The following DSCAM variants were observed in gnomAD, a reference collection of about 807,000 sequenced individuals.
The protein encoded by DSCAM is DS cell adhesion molecule.
DSCAM carries 47 observed loss-of-function variants against 217.7 expected under a neutral mutation model. That is an observed-to-expected ratio of 0.22 (90% CI 0.17 to 0.28). The LOEUF (loss-of-function observed/expected upper bound fraction) is 0.28. DSCAM is among the 10% of genes least tolerant of loss of function. DSCAM has a pLI of 1.00. For missense variants in DSCAM, 2,080 were observed against 2,618.3 expected, an observed-to-expected ratio of 0.79 and a Z score of 4.49; for synonymous variants, 1,056 against 1,015.3, an observed-to-expected ratio of 1.04 and a Z score of -0.76.
rs541514196 is a variant in DSCAM at position 40,346,019 on chromosome 21, T to C, written c.1210+1651A>G. ...CTTTCTTGCTGTCACTCTGATAACC[T>C]GAACTCTTCTGACATCGTTATGGAT... On this transcript the variant is annotated intron_variant, in intron 6 of 32. Transcript: ENST00000400454. 1.8e-3 allele frequency among the ~76,000 whole-genome samples: 268 copies of C among 152,374 alleles called. 2 individuals carry two copies. Among genetic ancestry groups the C allele is most frequent in the African/African-American group, 4.9e-3 (205 of 41,590 alleles).
intron 3 of DSCAM, among the ~76,000 whole-genome samples, chr21:40,639,055 T>C (rs565739263): frequency 6.7e-6 from 1 of 149,174 alleles, no homozygotes; most frequent in African/African-American, 2.5e-5. Flanking sequence ...TGGGTCGTCA[T>C]AGACCCATAA....
rs192075086 is a variant in DSCAM, at chr21:40,793,337, G to A, written c.43+53282C>T. The stretch of plus-strand genomic sequence containing the variant: ...AATTGGCCATATCTGCCAAGAATGC[G>A]GAGAGAGGGTTTGCAGCATTAGAAC... On this transcript the variant is annotated intron_variant, in intron 1 of 32. Coordinates refer to ENST00000400454, the MANE Select transcript of DSCAM (RefSeq NM_001389.5). Among the ~76,000 whole-genome samples, 287 of 152,244 alleles carry A rather than the reference G, an allele frequency of 1.9e-3. 1 individual carries two copies. The highest frequency in any genetic ancestry group is 3.4e-3 in the Middle Eastern group (1 of 292).
chr21:40,503,702 A>G (rs1476758184), intron 3 of DSCAM, among the ~76,000 whole-genome samples: 2 of 152,170 alleles, frequency 1.3e-5, no homozygotes, highest in African/African-American at 4.8e-5. Flanking sequence ...TCGTCTCTTT[A>G]ATTTCAGGGC....
At chr21:40,313,936 T>C (rs1000125) in intron 8 of DSCAM, among the ~76,000 whole-genome samples, 6,581 of 152,300 alleles carry the variant, frequency 0.043, 322 homozygotes, top group African/African-American at 0.12. Context: ...TATTCAACAA[T>C]TGTAAGTCCA....
chr21:40,602,729 T>G (rs2077071987), intron 3 of DSCAM, among the ~76,000 whole-genome samples: 2 of 152,174 alleles, frequency 1.3e-5, no homozygotes, highest in Admixed American at 1.3e-4. Flanking sequence ...TTTTGCTTGA[T>G]AGCCAGGTTA....
chr21:40,042,667 G>A lies in DSCAM; in HGVS notation c.5390C>T (p.Ala1797Val), dbSNP rs991212273. The A allele has an allele frequency of 7.7e-7, 1 of 1,292,232 alleles. No individual in the cohort carries two copies. Among genetic ancestry groups the A allele is most frequent in the Non-Finnish European group, 9.9e-7 (1 of 1,013,350 alleles). The allele number at this position is 1,292,232 out of a possible 1,614,324, so 80.0% of individuals were successfully genotyped here. A position where few individuals can be genotyped will look rare whatever the true frequency, so the allele number is the denominator to read the frequency against. ...TTCTGTGGAGACCATGCTGCTTCTT[G>A]CTCGATCTACACCAGGAAAGAGAAA... is the stretch of plus-strand genomic sequence containing the variant. The part of the protein sequence containing the change: ...SVSPSQDTDR[A>V]RSSMVSTESA... Residue 1797 changes from alanine to valine, a missense_variant, in exon 32 of 33, where the codon GCA becomes GTA. Ala to Val is a moderately conservative substitution (Grantham distance 64). Coordinates refer to ENST00000400454, the MANE Select transcript of DSCAM (RefSeq NM_001389.5).
At chr21:40,718,328 A>G (rs2146501818) in intron 1 of DSCAM, among the ~76,000 whole-genome samples, 1 of 152,318 alleles carries the variant, frequency 6.6e-6, no homozygotes, top group South Asian at 2.1e-4. Context: ...TATTCCAAGA[A>G]AAGTGTTGCA....
intron 1 of DSCAM, among the ~76,000 whole-genome samples, chr21:40,765,289 T>C (rs548732366): frequency 6.6e-6 from 1 of 152,138 alleles, no homozygotes; most frequent in African/African-American, 2.4e-5. Context: ...GCAGAGCAAC[T>C]TGGAGGCAAA....
intron 3 of DSCAM, among the ~76,000 whole-genome samples, chr21:40,661,924 G>A (rs2090142720): frequency 6.6e-6 from 1 of 152,130 alleles, no homozygotes; most frequent in African/African-American, 2.4e-5. Flanking sequence ...ACATTTGAGG[G>A]AAGAAAACCC....
At chr21:40,845,364 A>T (rs2092135540) in intron 1 of DSCAM, among the ~76,000 whole-genome samples, 1 of 152,042 alleles carries the variant, frequency 6.6e-6, no homozygotes, top group Non-Finnish European at 1.5e-5. Flanking sequence ...GCCTGTTGGT[A>T]TGCTGATTCT....
chr21:40,425,893 G>A (rs1488306587), intron 3 of DSCAM, among the ~76,000 whole-genome samples: 5 of 152,028 alleles, frequency 3.3e-5, no homozygotes, highest in African/African-American at 9.7e-5. Flanking sequence ...ATGTGAACAT[G>A]AATAAACTAT....
At chr21:40,690,925 C>T (rs1214596954) in intron 3 of DSCAM, among the ~76,000 whole-genome samples, 1 of 152,112 alleles carries the variant, frequency 6.6e-6, no homozygotes, top group Non-Finnish European at 1.5e-5. Flanking sequence ...ACACTGGGGC[C>T]TACTTCGGGG....
Position 40,093,710 on chromosome 21 carries a change from C to A in DSCAM, c.3850+11G>T. The A allele has an allele frequency of 6.2e-7, 1 of 1,613,736 alleles. No individual in the cohort carries two copies. The highest frequency in any genetic ancestry group is 8.5e-7 in the Non-Finnish European group (1 of 1,179,838). ...ACAACAGGAAATGAGGTCCTTATAG[C>A]CACTGCCTACCTTTTGCTAGTGGCT... On this transcript the variant is annotated intron_variant, in intron 21 of 32. Coordinates refer to ENST00000400454, the MANE Select transcript of DSCAM (RefSeq NM_001389.5).
intron 9 of DSCAM, among the ~76,000 whole-genome samples, chr21:40,305,839 CT>C (rs2074067735): frequency 6.6e-6 from 1 of 152,182 alleles, no homozygotes. Flanking sequence ...GTTTTGGTTA[CT>C]GTAGCCTTGT....
intron 27 of DSCAM, 101 bp from the exon 28 acceptor site, chr21:40,063,000 T>C (rs576747751): frequency 7.5e-6 from 8 of 1,066,862 alleles, no homozygotes; most frequent in African/African-American, 3.3e-5. Flanking sequence ...AACAGTCATT[T>C]TGAAACACAA....
At chr21:40,718,017 T>C (rs1464301359) in intron 1 of DSCAM, among the ~76,000 whole-genome samples, 1 of 152,086 alleles carries the variant, frequency 6.6e-6, no homozygotes, top group Admixed American at 6.5e-5. Context: ...TAATTATGGA[T>C]ATGTCTGATA....
chr21:40,126,194 A>C (rs2090091579), intron 19 of DSCAM, among the ~76,000 whole-genome samples: 1 of 152,090 alleles, frequency 6.6e-6, no homozygotes, highest in African/African-American at 2.4e-5. Context: ...GAAATTAAAA[A>C]GAGAAAGAAA....
chr21:40,302,268 T>G (rs576533025), intron 9 of DSCAM, among the ~76,000 whole-genome samples: 2 of 152,208 alleles, frequency 1.3e-5, no homozygotes, highest in East Asian at 3.9e-4. Context: ...AGGGATCCAG[T>G]GGGAAGTAAT....
At chr21:40,404,625 G>A (rs1428348210) in intron 3 of DSCAM, among the ~76,000 whole-genome samples, 2 of 152,178 alleles carry the variant, frequency 1.3e-5, no homozygotes, top group Non-Finnish European at 2.9e-5. Flanking sequence ...TCCACTTTTA[G>A]ATATCCTCTC....
Sources: allele counts gnomAD v4.1 joint callset (sites outside exome capture counted in the v4.1 genomes callset), GRCh38; gene constraint gnomAD v4.1.1; transcripts MANE v1.5; gene names NCBI Gene and HGNC (gene_info 2026-07-23, HGNC 2026-07-21).